The following CEBPZ variants were observed in gnomAD, a reference collection of about 807,000 sequenced individuals.
CEBPZ encodes the protein CCAAT enhancer binding protein zeta.
CEBPZ carries 78 observed loss-of-function variants against 104.5 expected under a neutral mutation model. That is an observed-to-expected ratio of 0.75 (90% CI 0.62 to 0.90). The LOEUF is 0.90. Among genes scored for constraint, CEBPZ ranks in the 40% least tolerant of loss-of-function variants. The pLI is 0.00. For synonymous variants in CEBPZ, 470 were observed against 427.0 expected, an observed-to-expected ratio of 1.10 and a Z score of -1.24; for missense variants, 1,439 against 1,233.5, an observed-to-expected ratio of 1.17 and a Z score of -2.50.
rs199854236 is a variant in CEBPZ at position 37,228,111 on chromosome 2, G to C, written c.1082C>G (p.Thr361Ser). 15 of 1,614,206 alleles carry C rather than the reference G, an allele frequency of 9.3e-6. No individual in the cohort carries two copies. Among genetic ancestry groups the C allele is most frequent in the Non-Finnish European group, 1.3e-5 (15 of 1,180,042 alleles). ...ETLSHDTLVTTKTRALTVAHE... is the reference protein window; with the variant it reads ...ETLSHDTLVTSKTRALTVAHE... Reference sequence around the variant, plus strand: ...AGCCACGGTAAGGGCTCGAGTTTTAGTGGTTACTAATGTATCATGACTTAA... The same window carrying C: ...AGCCACGGTAAGGGCTCGAGTTTTACTGGTTACTAATGTATCATGACTTAA... The change falls in exon 2 of 16, where the codon ACT becomes AGT. Residue 361 changes from threonine (T) to serine (S), a missense_variant. Coordinates refer to ENST00000234170, the MANE Select transcript of CEBPZ (RefSeq NM_005760.3).
chr2:37,222,609 T>C, intron 3 of CEBPZ, 46 bp from the exon 4 acceptor site: 2 of 1,408,178 alleles, frequency 1.4e-6, no homozygotes, highest in Admixed American at 4.8e-5. Flanking sequence ...CAACTGGAAG[T>C]TGCAATAAAG....
In CEBPZ at chr2:37,227,865, C is replaced by A; in HGVS notation, c.1328G>T (p.Cys443Phe). Residue 443 changes from cysteine to phenylalanine, a missense_variant, in exon 2 of 16, where the codon TGC (cysteine) becomes TTC (phenylalanine). Physicochemically the swap from Cys to Phe is radical, Grantham distance 205 (BLOSUM62 -2). Transcript: ENST00000234170. ...GGACAGAGCCATTTGATTTAAAAAG[C>A]AAATTGCATAATATTGAGCTTTGGA... ...ISSKAQYYAI[C>F]FLNQMALSHE... 6.2e-7 allele frequency: 1 copy of A among 1,614,080 alleles called. No individual in the cohort carries two copies. The highest frequency in any genetic ancestry group is 1.7e-5 in the Admixed American group (1 of 60,026).
intron 6 of CEBPZ, 32 bp downstream of exon 6, chr2:37,216,952 A>C: frequency 6.5e-7 from 1 of 1,548,852 alleles, no homozygotes; most frequent in Non-Finnish European, 8.9e-7. Flanking sequence ...TTTTTTTCTT[A>C]TTTCTCATCT....
At chr2:37,206,218 C>T (rs1159646760) in intron 13 of CEBPZ, among the ~76,000 whole-genome samples, 2 of 152,170 alleles carry the variant, frequency 1.3e-5, no homozygotes, top group African/African-American at 4.8e-5. Flanking sequence ...GACAGAACAG[C>T]GTGTGGCAAC....
At position 37,227,910 on chromosome 2, in the gene CEBPZ, A is replaced by G; in HGVS notation, c.1283T>C (p.Leu428Pro). 1 of 1,614,228 alleles carries G rather than the reference A, an allele frequency of 6.2e-7. No homozygotes were observed. Residue 428 changes from leucine to proline, a missense_variant, in exon 2 of 16, where the codon CTC becomes CCC. Coordinates refer to ENST00000234170, the MANE Select transcript of CEBPZ (RefSeq NM_005760.3). ...TTTGGAGCTGATATTTGAGCGGAAGAGTAGCCTTTCTACTTCACCAGACAC... is the reference window on the plus strand; with the variant it reads ...TTTGGAGCTGATATTTGAGCGGAAGGGTAGCCTTTCTACTTCACCAGACAC... ...GVVSGEVERL[L>P]FRSNISSKAQ...
At chr2:37,207,695 A>G (rs1028693263) in intron 13 of CEBPZ, among the ~76,000 whole-genome samples, 1 of 152,180 alleles carries the variant, frequency 6.6e-6, no homozygotes, top group Admixed American at 6.5e-5. Flanking sequence ...TCTACATCAA[A>G]AAGTCTGAAA....
chr2:37,230,846 T>C (rs750521868), intron 1 of CEBPZ, among the ~76,000 whole-genome samples: 6 of 152,210 alleles, frequency 3.9e-5, no homozygotes, highest in Non-Finnish European at 7.3e-5. Flanking sequence ...CTCAAACATT[T>C]CCGTGATGTG....
intron 5 of CEBPZ, 26 bp from the exon 6 acceptor site, chr2:37,217,063 C>T (rs745956032): frequency 1.6e-5 from 26 of 1,584,992 alleles, no homozygotes; most frequent in Admixed American, 3.3e-5. Context: ...TGAATAATAT[C>T]AATATTTCTA....
At chr2:37,218,388 G>A (rs1308154609) in intron 5 of CEBPZ, among the ~76,000 whole-genome samples, 4 of 152,198 alleles carry the variant, frequency 2.6e-5, no homozygotes, top group African/African-American at 4.8e-5. Flanking sequence ...AGAAGAGAGT[G>A]GATTATTTCA....
chr2:37,227,160 T>A (rs566785278), intron 2 of CEBPZ, among the ~76,000 whole-genome samples: 1 of 152,350 alleles, frequency 6.6e-6, no homozygotes, highest in African/African-American at 2.4e-5. Flanking sequence ...AGGGAAAAGA[T>A]AGAGGACTGA....
rs558130949 is a variant in CEBPZ at position 37,228,102 on chromosome 2, C to G, written c.1091G>C (p.Arg364Pro). The change falls in exon 2 of 16, where the codon CGA (arginine) becomes CCA (proline). Residue 364 changes from arginine (R) to proline (P), a missense_variant. Transcript: ENST00000234170. ...CAGCTCATGAGCCACGGTAAGGGCT[C>G]GAGTTTTAGTGGTTACTAATGTATC... ...SHDTLVTTKT[R>P]ALTVAHELLC... 1.2e-6 allele frequency: 2 copies of G among 1,614,062 alleles called. No homozygotes were observed. Among genetic ancestry groups the G allele is most frequent in the South Asian group, 1.1e-5 (1 of 91,086 alleles).
At chr2:37,211,311 C>T (rs1267630501) in intron 12 of CEBPZ, 1 of 364,776 alleles carries the variant, frequency 2.7e-6, no homozygotes, top group Non-Finnish European at 4.9e-6. Context: ...TAAATAGCTT[C>T]ATTAATAAGA....
intron 13 of CEBPZ, chr2:37,208,911 T>G (rs1166992263): frequency 1.3e-5 from 2 of 152,014 alleles, no homozygotes; most frequent in African/African-American, 4.8e-5. Flanking sequence ...TCCAAAAAGA[T>G]CCTAGATCTG....
At position 37,222,390 on chromosome 2, in the gene CEBPZ, A is replaced by T. The variant is rs777561049; in HGVS notation, c.2055T>A (p.Asp685Glu). Residue 685 changes from aspartate to glutamate, a missense_variant, in exon 4 of 16, where the codon GAT becomes GAA. Asp to Glu is a conservative substitution (Grantham distance 45, BLOSUM62 2). Transcript: ENST00000234170. ...KPEVASWVHF[D>E]NLKGGKQLNK... ...ATGAAAAAAACTCACCTTTCAAATT[A>T]TCAAAGTGCACCCAGGAAGCAACCT... The T allele has an allele frequency of 1.3e-6, 2 of 1,580,100 alleles. No homozygotes were observed. The highest frequency in any genetic ancestry group is 1.7e-6 in the Non-Finnish European group (2 of 1,170,042).
In CEBPZ at chr2:37,228,965, G is replaced by C; in HGVS notation, c.228C>G (p.Ile76Met). The C allele has an allele frequency of 6.2e-7, 1 of 1,603,136 alleles. No homozygotes were observed. The highest frequency in any genetic ancestry group is 2.2e-5 in the East Asian group (1 of 44,656). The part of the protein sequence containing the change: ...EVIDGGKKGA[I>M]DDLQQGELEA... ...CCAATTCACCTTGCTGAAGGTCATC[G>C]ATTGCTCCTTTTTTGCCTCCATCTA... The change falls in exon 2 of 16, where the codon ATC becomes ATG. Residue 76 changes from isoleucine (I) to methionine (M), a missense_variant. Physicochemically the swap from Ile to Met is conservative, Grantham distance 10. Transcript: ENST00000234170.
In CEBPZ at chr2:37,216,181, G is replaced by A; in HGVS notation, c.2339C>T (p.Pro780Leu). The change falls in exon 8 of 16, where the codon CCG (proline) becomes CTG (leucine). Residue 780 changes from proline (P) to leucine (L), a missense_variant. By Grantham distance (98) the Pro-to-Leu change is moderately conservative (BLOSUM62 -3). Coordinates refer to ENST00000234170, the MANE Select transcript of CEBPZ (RefSeq NM_005760.3). ...KENTDSVVMQPKRKHFIKDIR... is the reference protein window; with the variant it reads ...KENTDSVVMQLKRKHFIKDIR... Reference sequence around the variant, plus strand: ...ATCCTTAATAAAATGTTTTCTTTTCGGCTGCATCACAACACTATCTGTGTT... The same window carrying A: ...ATCCTTAATAAAATGTTTTCTTTTCAGCTGCATCACAACACTATCTGTGTT... 2.5e-6 allele frequency: 4 copies of A among 1,612,790 alleles called. No individual in the cohort carries two copies. The highest frequency in any genetic ancestry group is 2.2e-5 in the East Asian group (1 of 44,764).
At chr2:37,219,732 A>G (rs952411936) in intron 5 of CEBPZ, among the ~76,000 whole-genome samples, 1 of 152,262 alleles carries the variant, frequency 6.6e-6, no homozygotes, top group Admixed American at 6.5e-5. Context: ...TTACAAATTC[A>G]GAAAAGTAAC....
At chr2:37,222,273 G>T (rs1173520395) in intron 4 of CEBPZ, 107 bp downstream of exon 4, 30 of 981,892 alleles carry the variant, frequency 3.1e-5, no homozygotes, top group South Asian at 3.9e-5. Flanking sequence ...AACAGAGTGA[G>T]ACTCTGTCTA....
At position 37,231,470 on chromosome 2, in the gene CEBPZ, GTAT is replaced by G. The variant is rs774769644; in HGVS notation, c.95_97del (p.Asn32del). ...GGAGAACCCATTCTCGGCTTCACTA[GTAT>G]TATCCTCATCCTCCTCGTCCGGATC... On this transcript the variant is annotated inframe_deletion, in exon 1 of 16. Coordinates refer to ENST00000234170, the MANE Select transcript of CEBPZ (RefSeq NM_005760.3). 27 of 1,614,108 alleles carry G rather than the reference GTAT, an allele frequency of 1.7e-5. No individual in the cohort carries two copies. Among genetic ancestry groups the G allele is most frequent in the Non-Finnish European group, 2.1e-5 (25 of 1,180,050 alleles).
Sources: allele counts gnomAD v4.1 joint callset (sites outside exome capture counted in the v4.1 genomes callset), GRCh38; gene constraint gnomAD v4.1.1; transcripts MANE v1.5; gene names NCBI Gene and HGNC (gene_info 2026-07-23, HGNC 2026-07-21).